NCKAP5: variants seen among roughly 807,000 people sequenced by gnomAD.
The protein encoded by NCKAP5 is nck-associated protein 5.
NCKAP5 carries 92 observed loss-of-function variants against 167.0 expected under a neutral mutation model. The ratio of observed to expected loss-of-function variants is 0.55; its 90% CI spans 0.47 to 0.66. NCKAP5 has a LOEUF of 0.66. Among genes scored for constraint, NCKAP5 ranks in the 30% least tolerant of loss-of-function variants. The pLI, the probability that NCKAP5 is intolerant of heterozygous loss-of-function variation, is 0.00. For missense variants in NCKAP5, 2,378 were observed against 2,315.0 expected (o/e 1.03, Z -0.56); for synonymous variants, 891 against 877.4 (o/e 1.02, Z -0.27).
rs148257631 is a variant in NCKAP5 at position 132,787,541 on chromosome 2, A to T, written c.1093-1823T>A. 5.3e-5 allele frequency among the ~76,000 whole-genome samples: 8 copies of T among 152,218 alleles called. No individual in the cohort carries two copies. In the East Asian group the frequency reaches 1.5e-3, roughly 29 times the overall value. Reference sequence around the variant, plus strand: ...CTGGGCTTCTTAGTACACTGTAAACATTTGCTCACATCTATGGCATTTTCA... The same window carrying T: ...CTGGGCTTCTTAGTACACTGTAAACTTTTGCTCACATCTATGGCATTTTCA... On this transcript the variant is annotated intron_variant, in intron 13 of 19. Coordinates refer to ENST00000409261, the MANE Select transcript of NCKAP5 (RefSeq NM_207363.3).
At chr2:133,634,391 C>T in the NCKAP5 span, among the ~76,000 whole-genome samples, 3 of 152,274 alleles carry the variant, frequency 2.0e-5, no homozygotes, top group Non-Finnish European at 4.4e-5. Flanking sequence ...CCCAGATGTG[C>T]CTGCCACAAT....
intron 4 of NCKAP5, among the ~76,000 whole-genome samples, chr2:133,281,804 A>T (rs147847900): frequency 1.0e-3 from 155 of 152,182 alleles, no homozygotes; most frequent in Non-Finnish European, 1.9e-3. Flanking sequence ...TTTGGTGGGG[A>T]CTCTGCTCAT....
At chr2:133,435,361 C>T (rs932452595) in intron 3 of NCKAP5, among the ~76,000 whole-genome samples, 2 of 152,182 alleles carry the variant, frequency 1.3e-5, no homozygotes, top group Non-Finnish European at 2.9e-5. Context: ...TCATATCACT[C>T]ACCACTGAAA....
chr2:133,242,259 CT>C (rs915257474), intron 4 of NCKAP5, among the ~76,000 whole-genome samples: 41 of 138,760 alleles, frequency 3.0e-4, no homozygotes, highest in Admixed American at 3.5e-4. Flanking sequence ...CTTTTCTTTT[CT>C]TTTTTTTTTA....
At chr2:133,316,063 A>T (rs1169018885) in intron 3 of NCKAP5, among the ~76,000 whole-genome samples, 1 of 152,154 alleles carries the variant, frequency 6.6e-6, no homozygotes, top group Non-Finnish European at 1.5e-5. Flanking sequence ...GGACCCAGAG[A>T]TGTAATTTTA....
the NCKAP5 span, among the ~76,000 whole-genome samples, chr2:133,607,186 A>T: frequency 6.6e-6 from 1 of 152,188 alleles, no homozygotes; most frequent in Non-Finnish European, 1.5e-5. Flanking sequence ...GTAATAACTG[A>T]CTCAAGAGCA....
At chr2:133,597,036 T>G in the NCKAP5 span, among the ~76,000 whole-genome samples, 1 of 152,202 alleles carries the variant, frequency 6.6e-6, no homozygotes, top group Non-Finnish European at 1.5e-5. Flanking sequence ...AGTTCCCCCA[T>G]TTTCACAAAA....
the NCKAP5 span, among the ~76,000 whole-genome samples, chr2:133,653,249 T>A: frequency 1.1e-4 from 16 of 152,208 alleles, no homozygotes; most frequent in African/African-American, 3.6e-4. Flanking sequence ...TTCTCTATTC[T>A]CTCCTTTACT....
chr2:133,353,225 T>G (rs577295396), intron 3 of NCKAP5, among the ~76,000 whole-genome samples: 15 of 152,234 alleles, frequency 9.9e-5, no homozygotes, highest in Non-Finnish European at 2.1e-4. Flanking sequence ...ACCATGCTAG[T>G]GTCACCAAAA....
At chr2:132,794,259 TATATAGAGAGAGAGAGAGAG>T (rs1448037900) in intron 12 of NCKAP5, among the ~76,000 whole-genome samples, 4 of 31,700 alleles carry the variant, frequency 1.3e-4, no homozygotes, top group African/African-American at 4.6e-4. Context: ...TATATATATA[TATATAGAGAGAGAGAGAGAG>T]AGAGAGAGAG....
chr2:133,267,056 A>T (rs1559335361), intron 4 of NCKAP5, among the ~76,000 whole-genome samples: 1 of 152,010 alleles, frequency 6.6e-6, no homozygotes. Flanking sequence ...CGGTTCTGAC[A>T]AATCTCCGCC....
chr2:133,493,016 G>A (rs917231073), intron 3 of NCKAP5, among the ~76,000 whole-genome samples: 1 of 152,140 alleles, frequency 6.6e-6, no homozygotes, highest in Non-Finnish European at 1.5e-5. Context: ...CCTCTGCACT[G>A]GCAAACCTGA....
chr2:133,609,672 C>A, the NCKAP5 span, among the ~76,000 whole-genome samples: 1 of 152,092 alleles, frequency 6.6e-6, no homozygotes, highest in Non-Finnish European at 1.5e-5. Context: ...TGTCTAGGAT[C>A]ATCTCCACCA....
chr2:133,443,811 T>C (rs775483400), intron 3 of NCKAP5, among the ~76,000 whole-genome samples: 29 of 152,326 alleles, frequency 1.9e-4, no homozygotes, highest in Non-Finnish European at 3.5e-4. Context: ...TCTGTTTGCG[T>C]TCTCCTGGTG....
chr2:133,670,728 A>G, the NCKAP5 span, among the ~76,000 whole-genome samples: 2 of 152,142 alleles, frequency 1.3e-5, no homozygotes, highest in Admixed American at 6.5e-5. Context: ...ATATTTCACT[A>G]ACTCCCTCAT....
intron 15 of NCKAP5, among the ~76,000 whole-genome samples, chr2:132,779,600 G>GAAAA (rs57361647): frequency 1.1e-5 from 1 of 91,348 alleles, no homozygotes. Flanking sequence ...ATGAGGGAAA[G>GAAAA]AAAAAAAAAA....
intron 3 of NCKAP5, among the ~76,000 whole-genome samples, chr2:133,312,557 A>G (rs78630739): frequency 0.033 from 5,066 of 152,186 alleles, 257 homozygotes; most frequent in African/African-American, 0.11. Context: ...GCCTAAAGAC[A>G]AGACACTGCC....
chr2:133,064,454 T>G (rs1490038110), intron 6 of NCKAP5, among the ~76,000 whole-genome samples: 1 of 151,982 alleles, frequency 6.6e-6, no homozygotes, highest in Non-Finnish European at 1.5e-5. Flanking sequence ...CCAGTTTTCC[T>G]CTAAGCAGAT....
At chr2:133,642,390 C>CAA in the NCKAP5 span, among the ~76,000 whole-genome samples, 225 of 152,182 alleles carry the variant, frequency 1.5e-3, no homozygotes, top group Admixed American at 2.7e-3. Flanking sequence ...TAGATCAGCC[C>CAA]AAGTCATATT....
Sources: gnomAD v4.1 joint callset for allele counts (sites outside exome capture counted in the v4.1 genomes callset) on GRCh38, gnomAD v4.1.1 for gene constraint, MANE v1.5 for transcripts, NCBI Gene and HGNC (gene_info 2026-07-23, HGNC 2026-07-21) for gene names.